The following DNAH6 variants were observed in gnomAD, a reference collection of about 807,000 sequenced individuals.
DNAH6 encodes the protein dynein axonemal heavy chain 6.
A neutral mutation model predicts 491.4 loss-of-function variants in DNAH6; 340 were observed. The observed-to-expected ratio is 0.69, with a 90% CI of 0.63 to 0.76. DNAH6 has a LOEUF of 0.76. DNAH6 is among the 30% of genes least tolerant of loss of function. DNAH6 has a pLI of 0.00. For missense variants in DNAH6, 4,443 were observed against 4,972.2 expected (o/e 0.89, Z 3.20); for synonymous variants, 1,603 against 1,686.1 (o/e 0.95, Z 1.21).
chr2:84,539,503 G>C (rs1573545493), intron 4 of DNAH6, among the ~76,000 whole-genome samples: 1 of 152,088 alleles, frequency 6.6e-6, no homozygotes, highest in Non-Finnish European at 1.5e-5. Flanking sequence ...ATCAGTCTGT[G>C]GTGGAGCCTG....
At chr2:84,570,850 T>G (rs1329547473) in intron 11 of DNAH6, among the ~76,000 whole-genome samples, 4 of 152,218 alleles carry the variant, frequency 2.6e-5, no homozygotes, top group Non-Finnish European at 4.4e-5. Flanking sequence ...CACTCTTGGG[T>G]CCGCACTACC....
intron 10 of DNAH6, among the ~76,000 whole-genome samples, chr2:84,557,186 T>C: frequency 6.6e-6 from 1 of 152,202 alleles, no homozygotes; most frequent in Non-Finnish European, 1.5e-5. Flanking sequence ...ACTTCAAATA[T>C]AGAACTCATC....
chr2:84,699,771 G>A lies in DNAH6; in HGVS notation c.7818+37G>A, dbSNP rs796485623. 6.5e-6 allele frequency: 10 copies of A among 1,542,452 alleles called. No homozygotes were observed. The African/African-American group carries it at 1.2e-4, about 19-fold the overall frequency. The stretch of plus-strand genomic sequence containing the variant: ...CCCAGGATATCTCTTTGAGAAGTTG[G>A]ACTTGCTTGACTTTAAAGGGGTAAC... On this transcript the variant is annotated intron_variant, in intron 48 of 76. Transcript: ENST00000389394.
At position 84,653,370 on chromosome 2, in the gene DNAH6, T is replaced by C; in HGVS notation, c.5130T>C (p.Tyr1710=). 5.2e-6 allele frequency: 8 copies of C among 1,549,224 alleles called. No individual in the cohort carries two copies. Among genetic ancestry groups the C allele is most frequent in the Non-Finnish European group, 7.0e-6 (8 of 1,145,494 alleles). ...GAGTCCAAATTCCAGAACATGATTA[T>C]GGTATTTTACAATCAACAATTGTGG... The part of the protein sequence containing the change: ...FPGVQIPEHD[Y]GILQSTIVDV... Residue 1710 remains tyrosine (Y), a synonymous_variant, in exon 34 of 77, where the codon TAT becomes TAC. Coordinates refer to ENST00000389394, the MANE Select transcript of DNAH6 (RefSeq NM_001370.2).
At chr2:84,698,038 T>C (rs1040410641) in intron 47 of DNAH6, among the ~76,000 whole-genome samples, 2 of 152,152 alleles carry the variant, frequency 1.3e-5, no homozygotes, top group Non-Finnish European at 2.9e-5. Flanking sequence ...GCACCCTACC[T>C]GTGGCGGGCT....
rs761172297 is a variant in DNAH6 at position 84,634,543 on chromosome 2, G to A, written c.4555G>A (p.Ala1519Thr). 1 of 1,549,448 alleles carries A rather than the reference G, an allele frequency of 6.5e-7. No individual in the cohort carries two copies. The highest frequency in any genetic ancestry group is 1.2e-5 in the South Asian group (1 of 83,612). ...RFFSGLAQSG[A>T]WCCFDEFNRI... ...CTTCAGTGGCTTGGCACAGTCAGGGGCCTGGTGCTGCTTTGATGAATTTAA... is the reference window on the plus strand; with the variant it reads ...CTTCAGTGGCTTGGCACAGTCAGGGACCTGGTGCTGCTTTGATGAATTTAA... The change falls in exon 30 of 77, where the codon GCC (alanine) becomes ACC (threonine). Residue 1519 changes from alanine (A) to threonine (T), a missense_variant. By Grantham distance (58) the Ala-to-Thr change is moderately conservative. Transcript: ENST00000389394.
chr2:84,809,615 AC>A, intron 72 of DNAH6, among the ~76,000 whole-genome samples: 1 of 152,136 alleles, frequency 6.6e-6, no homozygotes, highest in Non-Finnish European at 1.5e-5. Flanking sequence ...GACCCCCATA[AC>A]ATAGTCCAAA....
intron 64 of DNAH6, among the ~76,000 whole-genome samples, chr2:84,779,235 G>C (rs1676445130): frequency 6.6e-6 from 1 of 152,086 alleles, no homozygotes; most frequent in African/African-American, 2.4e-5. Flanking sequence ...ACTGTCAGTG[G>C]GATCTTGAAG....
At chr2:84,564,372 G>A (rs939252842) in intron 11 of DNAH6, among the ~76,000 whole-genome samples, 29 of 151,976 alleles carry the variant, frequency 1.9e-4, no homozygotes, top group Admixed American at 1.5e-3. Context: ...GCAGTGTTTT[G>A]TAGTTCTCCA....
the DNAH6 span, among the ~76,000 whole-genome samples, chr2:84,507,029 G>A: frequency 6.6e-6 from 1 of 152,202 alleles, no homozygotes; most frequent in Non-Finnish European, 1.5e-5. Flanking sequence ...CTTTGGCTTA[G>A]GGTTGACTTG....
chr2:84,472,685 A>G, the DNAH6 span, among the ~76,000 whole-genome samples: 3 of 152,222 alleles, frequency 2.0e-5, no homozygotes, highest in African/African-American at 7.2e-5. Flanking sequence ...TGCAGCTTTA[A>G]GATGGGTTAA....
At chr2:84,594,153 T>G in intron 17 of DNAH6, 68 bp downstream of exon 17, 1 of 879,732 alleles carries the variant, frequency 1.1e-6, no homozygotes, top group Non-Finnish European at 1.8e-6. Context: ...TCTAATAATT[T>G]GAATTATAAC....
the DNAH6 span, among the ~76,000 whole-genome samples, chr2:84,471,049 T>C: frequency 1.4e-4 from 21 of 152,246 alleles, no homozygotes; most frequent in Non-Finnish European, 2.1e-4. Context: ...GGCATACAAT[T>C]GATCTAGGAG....
chr2:84,502,896 T>A, the DNAH6 span, among the ~76,000 whole-genome samples: 6 of 152,172 alleles, frequency 3.9e-5, no homozygotes, highest in African/African-American at 1.4e-4. Flanking sequence ...TTACAGGGAA[T>A]ATGTGTTTCT....
At chr2:84,610,859 G>C (rs72922713) in intron 21 of DNAH6, among the ~76,000 whole-genome samples, 7 of 152,190 alleles carry the variant, frequency 4.6e-5, no homozygotes. Flanking sequence ...AGGGACTACA[G>C]ATCAAAGTCA....
chr2:84,590,942 AC>A (rs1684057081), intron 16 of DNAH6, among the ~76,000 whole-genome samples: 1 of 152,172 alleles, frequency 6.6e-6, no homozygotes, highest in Admixed American at 6.5e-5. Flanking sequence ...CCAGGTTGGA[AC>A]CGCTGAGAAC....
At chr2:84,693,326 T>A (rs139687420) in intron 45 of DNAH6, among the ~76,000 whole-genome samples, 3 of 152,184 alleles carry the variant, frequency 2.0e-5, no homozygotes, top group African/African-American at 7.2e-5. Flanking sequence ...GTGAGACTTA[T>A]CACCTTCCAC....
intron 21 of DNAH6, among the ~76,000 whole-genome samples, chr2:84,607,494 G>A (rs1685888746): frequency 6.6e-6 from 1 of 152,136 alleles, no homozygotes; most frequent in Non-Finnish European, 1.5e-5. Flanking sequence ...AGAGGGGAGA[G>A]AGGAAGGGTG....
intron 37 of DNAH6, among the ~76,000 whole-genome samples, chr2:84,667,799 T>C (rs1169498506): frequency 6.6e-6 from 1 of 152,206 alleles, no homozygotes; most frequent in Non-Finnish European, 1.5e-5. Flanking sequence ...AGTATGTTTA[T>C]TGCGGCACTA....
Sources: allele counts gnomAD v4.1 joint callset (sites outside exome capture counted in the v4.1 genomes callset), GRCh38; gene constraint gnomAD v4.1.1; transcripts MANE v1.5; gene names NCBI Gene and HGNC (gene_info 2026-07-23, HGNC 2026-07-21).